TRA2A: variants seen among roughly 807,000 people sequenced by gnomAD.
The protein encoded by TRA2A is transformer 2 alpha homolog.
In TRA2A, 31 loss-of-function variants were observed where a neutral mutation model predicts 45.7. The observed-to-expected ratio is 0.68, with a 90% CI of 0.51 to 0.92. TRA2A has a LOEUF of 0.92. Ranked by LOEUF, TRA2A falls within the 40% of genes least tolerant of loss-of-function variation. TRA2A has a pLI of 0.00. For synonymous variants in TRA2A, 132 were observed against 126.2 expected (o/e 1.05, Z -0.31); for missense variants, 304 against 367.5 (o/e 0.83, Z 1.41).
intron 4 of TRA2A, among the ~76,000 whole-genome samples, chr7:23,510,728 T>G (rs546923483): frequency 6.6e-6 from 1 of 152,330 alleles, no homozygotes; most frequent in Admixed American, 6.5e-5. Flanking sequence ...AATTACACTG[T>G]TCTGGCTTGC....
intron 2 of TRA2A, among the ~76,000 whole-genome samples, chr7:23,520,751 C>T (rs949676024): frequency 1.4e-5 from 2 of 147,802 alleles, no homozygotes; most frequent in African/African-American, 2.5e-5. Flanking sequence ...AGTGCACTGG[C>T]GCCATCTCTT....
intron 1 of TRA2A, among the ~76,000 whole-genome samples, chr7:23,525,170 T>C (rs936568118): frequency 6.6e-6 from 1 of 152,244 alleles, no homozygotes; most frequent in Non-Finnish European, 1.5e-5. Context: ...AATCAGGCTA[T>C]AAGAAGTCCT....
chr7:23,507,675 T>C (rs1484287368), intron 4 of TRA2A, 140 bp from the exon 5 acceptor site: 12 of 637,698 alleles, frequency 1.9e-5, no homozygotes, highest in East Asian at 7.8e-5. Context: ...GTACAGGGCA[T>C]TGTATAGACA....
intron 2 of TRA2A, among the ~76,000 whole-genome samples, chr7:23,521,117 C>T (rs761723853): frequency 3.3e-5 from 5 of 152,088 alleles, no homozygotes; most frequent in African/African-American, 4.8e-5. Context: ...AGGACTTTTC[C>T]GCCCAATTAC....
intron 1 of TRA2A, among the ~76,000 whole-genome samples, chr7:23,522,916 T>G (rs1012385976): frequency 6.6e-6 from 1 of 150,870 alleles, no homozygotes; most frequent in African/African-American, 2.5e-5. Flanking sequence ...CATGTCAAGG[T>G]TCAAATAAGT....
chr7:23,522,307 G>C, intron 1 of TRA2A: 2 of 1,165,686 alleles, frequency 1.7e-6, no homozygotes, highest in Non-Finnish European at 2.2e-6. Flanking sequence ...CCAATCTTCT[G>C]TTCAATTTTT....
Position 23,521,713 on chromosome 7 carries a change from TTTGATC to T in TRA2A, c.158_163del (p.Arg53_Ser54del). The T allele has an allele frequency of 1.9e-6, 3 of 1,614,108 alleles. No homozygotes were observed. The highest frequency in any genetic ancestry group is 2.5e-6 in the Non-Finnish European group (3 of 1,179,988). On this transcript the variant is annotated inframe_deletion, in exon 2 of 8. Coordinates refer to ENST00000297071, the MANE Select transcript of TRA2A (RefSeq NM_013293.5). ...TTATCTTAAACACACTTACCTGGAT[TTTGATC>T]TTGATCGAGAATGGGATTCAGAGTG... is the stretch of plus-strand genomic sequence containing the variant.
rs540098633 is a variant in TRA2A at position 23,515,743 on chromosome 7, A to AC, written c.336+619dup. Among the ~76,000 whole-genome samples, 383 of 150,308 alleles carry AC rather than the reference A, an allele frequency of 2.5e-3. 1 individual carries two copies. Among genetic ancestry groups the AC allele is most frequent in the Non-Finnish European group, 4.2e-3 (283 of 67,604 alleles). Reference sequence around the variant, plus strand: ...GTATTTTTAGCAGAGATGGGGTTTCACCATGTTGGCCAGGCTGGTCTCGAA... The same window carrying AC: ...GTATTTTTAGCAGAGATGGGGTTTCACCCATGTTGGCCAGGCTGGTCTCGAA... On this transcript the variant is annotated intron_variant, in intron 3 of 7. Transcript: ENST00000297071.
chr7:23,508,805 A>AT (rs1789459293), intron 4 of TRA2A, among the ~76,000 whole-genome samples: 1 of 151,878 alleles, frequency 6.6e-6, no homozygotes, highest in African/African-American at 2.4e-5. Flanking sequence ...GCATGCATTT[A>AT]TTTTTGTAGA....
At chr7:23,520,683 ATTTT>A (rs11346990) in intron 2 of TRA2A, among the ~76,000 whole-genome samples, 3 of 129,722 alleles carry the variant, frequency 2.3e-5, no homozygotes, top group African/African-American at 2.9e-5. Context: ...GCTGTTTTAA[ATTTT>A]TTTTTTTTTT....
intron 4 of TRA2A, among the ~76,000 whole-genome samples, chr7:23,508,198 AAACT>A: frequency 6.6e-6 from 1 of 151,710 alleles, no homozygotes; most frequent in East Asian, 1.9e-4. Context: ...AAAGTATAAT[AAACT>A]AATAAAAACT....
chr7:23,521,567 T>C lies in TRA2A; in HGVS notation c.170+140A>G, dbSNP rs1170956646. ...TTCCAAGTCTTTGTCTGGGATATAG[T>C]ATTCATTTACAAAGAGCAGTCTGAG... On this transcript the variant is annotated intron_variant, in intron 2 of 7. Transcript: ENST00000297071. The C allele has an allele frequency of 2.7e-5, 26 of 946,232 alleles. 1 individual carries two copies. The highest frequency in any genetic ancestry group is 2.7e-4 in the Admixed American group (12 of 43,916). The allele number at this position is 946,232 out of a possible 1,614,324, so 58.6% of individuals were successfully genotyped here. A position where few individuals can be genotyped will look rare whatever the true frequency, so the allele number is the denominator to read the frequency against.
At position 23,516,473 on chromosome 7, in the gene TRA2A, G is replaced by A. The variant is rs1204131939; in HGVS notation, c.226C>T (p.His76Tyr). 1.2e-5 allele frequency: 20 copies of A among 1,614,236 alleles called. No homozygotes were observed. Among genetic ancestry groups the A allele is most frequent in the Admixed American group, 1.7e-5 (1 of 60,026 alleles). The change falls in exon 3 of 8, where the codon CAC becomes TAC. Residue 76 changes from histidine (H) to tyrosine (Y), a missense_variant. By Grantham distance (83) the His-to-Tyr change is moderately conservative. Coordinates refer to ENST00000297071, the MANE Select transcript of TRA2A (RefSeq NM_013293.5). ...RRYTRSRSHS[H>Y]SHRRRSRSRS... Reference sequence around the variant, plus strand: ...CTTCGAGATCGTCTCCTATGAGAGTGAGAGTGGGATCTGGATCGAGTGTAA... The same window carrying A: ...CTTCGAGATCGTCTCCTATGAGAGTAAGAGTGGGATCTGGATCGAGTGTAA...
At chr7:23,522,247 TCAAA>T (rs1790164752) in intron 1 of TRA2A, 1 of 1,104,618 alleles carries the variant, frequency 9.1e-7, no homozygotes, top group Non-Finnish European at 1.1e-6. Flanking sequence ...CTTCCCCAAT[TCAAA>T]CAATTCAAAA....
At chr7:23,525,124 CAAAT>C (rs1220843245) in intron 1 of TRA2A, among the ~76,000 whole-genome samples, 4 of 152,078 alleles carry the variant, frequency 2.6e-5, no homozygotes, top group South Asian at 2.1e-4. Context: ...AAGCTGTTAC[CAAAT>C]AAATGTCACT....
At chr7:23,512,557 C>T (rs1438781833) in intron 4 of TRA2A, among the ~76,000 whole-genome samples, 1 of 151,946 alleles carries the variant, frequency 6.6e-6, no homozygotes, top group South Asian at 2.1e-4. Context: ...CTCCCGGGTT[C>T]GCGCCATTCT....
At chr7:23,518,735 T>G (rs988341098) in intron 2 of TRA2A, among the ~76,000 whole-genome samples, 6 of 149,242 alleles carry the variant, frequency 4.0e-5, no homozygotes, top group African/African-American at 1.5e-4. Flanking sequence ...CAGACTGGAG[T>G]GTGCAGTGGC....
chr7:23,511,215 C>CA (rs1413159040), intron 4 of TRA2A, among the ~76,000 whole-genome samples: 2 of 151,116 alleles, frequency 1.3e-5, no homozygotes, highest in African/African-American at 4.9e-5. Flanking sequence ...ACTAAAAATA[C>CA]AAAAAATTAG....
rs562012409 is a variant in TRA2A, at chr7:23,522,039, G to C, written c.37-199C>G. 87 of 1,396,392 alleles carry C rather than the reference G, an allele frequency of 6.2e-5. No homozygotes were observed. In the African/African-American group the frequency reaches 1.2e-3, roughly 20 times the overall value. The allele number at this position is 1,396,392 out of a possible 1,614,324, so 86.5% of individuals were successfully genotyped here. A position where few individuals can be genotyped will look rare whatever the true frequency, so the allele number is the denominator to read the frequency against. On this transcript the variant is annotated intron_variant, in intron 1 of 7. Transcript: ENST00000297071. The stretch of plus-strand genomic sequence containing the variant: ...CCTCAATAATTCCCTACTTGAACCA[G>C]ATCACCAATTCTCTATTAACTAAGT...
Sources: gnomAD v4.1 joint callset for allele counts (sites outside exome capture counted in the v4.1 genomes callset) on GRCh38, gnomAD v4.1.1 for gene constraint, MANE v1.5 for transcripts, NCBI Gene and HGNC (gene_info 2026-07-23, HGNC 2026-07-21) for gene names.